CNN1: variants seen among roughly 807,000 people sequenced by gnomAD.
The protein encoded by CNN1 is calponin 1, also known as calponin-1.
CNN1 carries 21 observed loss-of-function variants against 35.3 expected under a neutral mutation model. The ratio of observed to expected loss-of-function variants is 0.60; its 90% CI spans 0.42 to 0.86. The LOEUF is 0.86. CNN1 is among the 40% of genes least tolerant of loss of function. CNN1 has a pLI of 0.00. For missense variants in CNN1, 314 were observed against 400.8 expected (o/e 0.78, Z 1.85); for synonymous variants, 164 against 161.8 (o/e 1.01, Z -0.10).
At chr19:11,544,990 G>C (rs529238554) in intron 2 of CNN1, among the ~76,000 whole-genome samples, 1 of 152,164 alleles carries the variant, frequency 6.6e-6, no homozygotes, top group African/African-American at 2.4e-5. Context: ...CTTGAGGTCA[G>C]GAGTTCGAAA....
intron 2 of CNN1, among the ~76,000 whole-genome samples, chr19:11,544,328 A>G (rs1242671190): frequency 6.6e-6 from 1 of 152,094 alleles, no homozygotes; most frequent in Non-Finnish European, 1.5e-5. Context: ...AGAGGGGGCC[A>G]CCAGTGCAAA....
rs1189222420 is a variant in CNN1, at chr19:11,550,126, C to A, written c.*331C>A. 4 of 263,416 alleles carry A rather than the reference C, an allele frequency of 1.5e-5. No individual in the cohort carries two copies. The highest frequency in any genetic ancestry group is 6.7e-5 in the African/African-American group (3 of 45,078). 16.3% of individuals were successfully genotyped at this position (263,416 alleles called of 1,614,324 possible). On this transcript the variant is annotated 3_prime_UTR_variant, in exon 7 of 7. Coordinates refer to ENST00000252456, the MANE Select transcript of CNN1 (RefSeq NM_001299.6). ...AGGACCAGAAGCTCCCCCAGCAAAG[C>A]CCCCAGAGCCCAGGCTCGGCCTGCC...
At position 11,549,282 on chromosome 19, in the gene CNN1, G is replaced by A. The variant is rs1972660135; in HGVS notation, c.502-41G>A. The A allele has an allele frequency of 6.2e-7, 1 of 1,610,802 alleles. No individual in the cohort carries two copies. The highest frequency in any genetic ancestry group is 8.5e-7 in the Non-Finnish European group (1 of 1,177,352). On this transcript the variant is annotated intron_variant, in intron 5 of 6. Transcript: ENST00000252456. This position sits in a 1 kb window ranked among gnomAD's most constrained non-coding sequence, Gnocchi z 5.2. ...AGCTATGCCTCATGGCCCATGATGA[G>A]GTCTGTAATTATTGGTGTGATTCTC... is the stretch of plus-strand genomic sequence containing the variant.
intron 2 of CNN1, among the ~76,000 whole-genome samples, chr19:11,543,358 A>G (rs548062977): frequency 2.0e-5 from 3 of 152,026 alleles, no homozygotes; most frequent in Non-Finnish European, 2.9e-5. Context: ...AAAAAAAAAA[A>G]AACTAATGTA....
intron 1 of CNN1, chr19:11,539,743 C>G: frequency 9.7e-7 from 1 of 1,031,808 alleles, no homozygotes. Flanking sequence ...TGGCTTTTCC[C>G]AGGGTCCCAT....
At chr19:11,546,473 G>T (rs1302968725) in intron 2 of CNN1, among the ~76,000 whole-genome samples, 1 of 151,932 alleles carries the variant, frequency 6.6e-6, no homozygotes, top group Non-Finnish European at 1.5e-5. Context: ...GTAGCTGGGA[G>T]TACAGGCATG....
In CNN1 at chr19:11,549,277, G is replaced by T. The variant is rs201951472; in HGVS notation, c.502-46G>T. ...CCATCAGCTATGCCTCATGGCCCAT[G>T]ATGAGGTCTGTAATTATTGGTGTGA... is the stretch of plus-strand genomic sequence containing the variant. On this transcript the variant is annotated intron_variant, in intron 5 of 6. Coordinates refer to ENST00000252456, the MANE Select transcript of CNN1 (RefSeq NM_001299.6). The surrounding 1 kb of genome is among the most constrained non-coding windows in gnomAD (Gnocchi z 5.2). The T allele has an allele frequency of 6.2e-7, 1 of 1,604,484 alleles. No homozygotes were observed. Among genetic ancestry groups the T allele is most frequent in the Non-Finnish European group, 8.5e-7 (1 of 1,171,998 alleles).
chr19:11,546,593 C>T (rs1296305314), intron 2 of CNN1, 82 bp from the exon 3 acceptor site: 15 of 1,498,620 alleles, frequency 1.0e-5, no homozygotes, highest in Non-Finnish European at 1.4e-5. Flanking sequence ...CTTGGCCTCC[C>T]AAAGTGCTGG....
chr19:11,542,550 C>G (rs1179036927), intron 2 of CNN1, among the ~76,000 whole-genome samples: 1 of 151,670 alleles, frequency 6.6e-6, no homozygotes, highest in Non-Finnish European at 1.5e-5. Flanking sequence ...AAAACCCTAA[C>G]AGCTCCCAAG....
At position 11,538,981 on chromosome 19, in the gene CNN1, T is replaced by G; in HGVS notation, c.54T>G (p.Val18=). 2 of 1,596,006 alleles carry G rather than the reference T, an allele frequency of 1.3e-6. No homozygotes were observed. Among genetic ancestry groups the G allele is most frequent in the Non-Finnish European group, 1.7e-6 (2 of 1,169,804 alleles). The change falls in exon 1 of 7, where the codon GTT becomes GTG. Residue 18 remains valine (V), a synonymous_variant. Transcript: ENST00000252456. ...RGPAYGLSAE[V]KNKLAQKYDH... ...CTGCCTACGGGCTGTCAGCCGAGGT[T>G]AAGAACAAGGTAGGGCTGGAGGGCC...
intron 2 of CNN1, 78 bp downstream of exon 2, chr19:11,541,275 G>C: frequency 6.8e-7 from 1 of 1,469,074 alleles, no homozygotes; most frequent in Non-Finnish European, 9.0e-7. Flanking sequence ...AAACAACCAT[G>C]ATCCTGGAAC....
In CNN1 at chr19:11,549,223, A is replaced by C. The variant is rs1359055336; in HGVS notation, c.502-100A>C. 1.5e-6 allele frequency: 2 copies of C among 1,306,184 alleles called. No homozygotes were observed. Among genetic ancestry groups the C allele is most frequent in the African/African-American group, 3.0e-5 (2 of 66,330 alleles). 80.9% of individuals were successfully genotyped at this position (1,306,184 alleles called of 1,614,324 possible). On this transcript the variant is annotated intron_variant, in intron 5 of 6. Transcript: ENST00000252456. The surrounding 1 kb of genome is among the most constrained non-coding windows in gnomAD (Gnocchi z 5.2). ...AAATAAAATAAAATAAAAATTGAAA[A>C]AAATGATAAAGCGGCGCCTCATCCT...
chr19:11,544,394 GACGAGCA>G (rs1032391595), intron 2 of CNN1, among the ~76,000 whole-genome samples: 4 of 152,270 alleles, frequency 2.6e-5, no homozygotes, highest in Non-Finnish European at 2.9e-5. Context: ...AGGCTGGCGT[GACGAGCA>G]CCAAATGATT....
At chr19:11,548,828 T>C (rs1375679333) in intron 5 of CNN1, among the ~76,000 whole-genome samples, 1 of 150,996 alleles carries the variant, frequency 6.6e-6, no homozygotes, top group East Asian at 2.0e-4. Flanking sequence ...CAGAGTGAGA[T>C]GCTATCTCAA....
At chr19:11,542,680 A>G (rs1972492484) in intron 2 of CNN1, among the ~76,000 whole-genome samples, 1 of 150,622 alleles carries the variant, frequency 6.6e-6, no homozygotes, top group Admixed American at 6.6e-5. Context: ...GGTTCAAGCA[A>G]TTCTCCTGCC....
Position 11,549,619 on chromosome 19 carries a change from A to G in CNN1, c.718A>G (p.Thr240Ala). Residue 240 changes from threonine (T) to alanine (A), a missense_variant, in exon 7 of 7, where the codon ACG becomes GCG. By Grantham distance (58) the Thr-to-Ala change is moderately conservative. Coordinates refer to ENST00000252456, the MANE Select transcript of CNN1 (RefSeq NM_001299.6). The surrounding 1 kb of genome is among the most constrained non-coding windows in gnomAD (Gnocchi z 5.2). ...GGGGCTGGGCATGGAGCACTGCGACACGCTCAATGTCAGCCTGCAGATGGG... is the reference window on the plus strand; with the variant it reads ...GGGGCTGGGCATGGAGCACTGCGACGCGCTCAATGTCAGCCTGCAGATGGG... ...EPGLGMEHCD[T>A]LNVSLQMGSN... The G allele has an allele frequency of 6.2e-7, 1 of 1,612,676 alleles. No individual in the cohort carries two copies. The highest frequency in any genetic ancestry group is 8.5e-7 in the Non-Finnish European group (1 of 1,179,100).
At position 11,547,830 on chromosome 19, in the gene CNN1, G is replaced by A. The variant is rs768873517; in HGVS notation, c.424G>A (p.Val142Met). Reference protein sequence around the residue: ...KTKGNKVNVGVKYAEKQERKF... With the variant: ...KTKGNKVNVGMKYAEKQERKF... ...GAAAGGAAACAAGGTGAACGTGGGA[G>A]TGAAGTACGCAGAGAAGCAGGAGCG... Residue 142 changes from valine (V) to methionine (M), a missense_variant, in exon 5 of 7, where the codon GTG becomes ATG. Transcript: ENST00000252456. The A allele has an allele frequency of 2.5e-6, 4 of 1,614,088 alleles. No homozygotes were observed. The South Asian group carries it at 3.3e-5, about 13-fold the overall frequency.
intron 1 of CNN1, chr19:11,540,769 G>T: frequency 3.9e-6 from 1 of 255,924 alleles, no homozygotes; most frequent in Admixed American, 5.4e-5. Flanking sequence ...CGAAAAACCA[G>T]GGTGCCGGGT....
intron 1 of CNN1, chr19:11,539,776 T>C (rs1356370566): frequency 1.7e-6 from 2 of 1,174,850 alleles, no homozygotes; most frequent in Non-Finnish European, 2.2e-6. Context: ...GGGGACTGGG[T>C]TGGAACCTGG....
Sources: gnomAD v4.1 joint callset for allele counts (sites outside exome capture counted in the v4.1 genomes callset) on GRCh38, gnomAD v4.1.1 for gene constraint, Gnocchi (gnomAD v3.1) non-coding constraint, MANE v1.5 for transcripts, NCBI Gene and HGNC (gene_info 2026-07-23, HGNC 2026-07-21) for gene names.